The following PI4KB variants were observed in gnomAD, a reference collection of about 807,000 sequenced individuals.
The protein encoded by PI4KB is phosphatidylinositol 4-kinase beta.
In PI4KB, 23 loss-of-function variants were observed where a neutral mutation model predicts 81.4. That is an observed-to-expected ratio of 0.28 (90% confidence interval 0.20 to 0.40). The LOEUF is 0.40. PI4KB is among the 10% of genes least tolerant of loss of function. The probability of loss-of-function intolerance (pLI) is 1.00; values close to 1 mark genes in which losing one functional copy is unlikely to be tolerated. For synonymous variants in PI4KB, 381 were observed against 406.8 expected (o/e 0.94, Z 0.76); for missense variants, 651 against 1,036.6 (o/e 0.63, Z 5.11).
At position 151,302,302 on chromosome 1, in the gene PI4KB, G is replaced by A. The variant is rs1339931272; in HGVS notation, c.1521-4C>T. The stretch of plus-strand genomic sequence containing the variant: ...CAGCTGTTCCGAAAGGCGCCGGCTG[G>A]CAGGAAGAAAATACATCATTTGCTT... On this transcript the variant is annotated splice_polypyrimidine_tract_variant and splice_region_variant and intron_variant, in intron 6 of 11. Transcript: ENST00000368873. The A allele has an allele frequency of 6.2e-7, 1 of 1,611,002 alleles. No homozygotes were observed. The highest frequency in any genetic ancestry group is 2.2e-5 in the East Asian group (1 of 44,870).
chr1:151,324,918 C>A, intron 1 of PI4KB: 1 of 984,138 alleles, frequency 1.0e-6, no homozygotes, highest in Non-Finnish European at 1.2e-6. Context: ...GGACTCAACT[C>A]TAAGAAGAAA....
At chr1:151,307,866 T>C in intron 3 of PI4KB, 65 bp from the exon 4 acceptor site, 1 of 1,239,168 alleles carries the variant, frequency 8.1e-7, no homozygotes, top group Non-Finnish European at 1.2e-6. Context: ...GCACACCCAC[T>C]CAGTCACTCC....
In PI4KB at chr1:151,327,282, C is replaced by A. The variant is rs1649788838; in HGVS notation, c.-40G>T. 5.2e-6 allele frequency: 1 copy of A among 190,614 alleles called. No homozygotes were observed. Among genetic ancestry groups the A allele is most frequent in the Admixed American group, 7.0e-5 (1 of 14,312 alleles). The allele number at this position is 190,614 out of a possible 1,614,324, so 11.8% of individuals were successfully genotyped here. On this transcript the variant is annotated 5_prime_UTR_variant, in exon 1 of 12. Transcript: ENST00000368873. ...GAGGAGTAGCTTACCTCTGGGGGAC[C>A]CCCGCGGAGGGGGTGCGGGCAGTCG...
chr1:151,296,836 C>T (rs115724218), intron 9 of PI4KB, among the ~76,000 whole-genome samples: 3,920 of 151,074 alleles, frequency 0.026, 177 homozygotes, highest in African/African-American at 0.09. Flanking sequence ...TGTGCAGTCG[C>T]GCGATCTCAT....
In PI4KB at chr1:151,302,318, T is replaced by TCA; in HGVS notation, c.1521-22_1521-21dup. On this transcript the variant is annotated intron_variant, in intron 6 of 11. Transcript: ENST00000368873. ...CGCCGGCTGGCAGGAAGAAAATACA[T>TCA]CATTTGCTTGGAGAAGCTACCCCCA... is the stretch of plus-strand genomic sequence containing the variant. 1 of 1,581,640 alleles carries TCA rather than the reference T, an allele frequency of 6.3e-7. No homozygotes were observed. The highest frequency in any genetic ancestry group is 8.7e-7 in the Non-Finnish European group (1 of 1,150,516).
intron 3 of PI4KB, among the ~76,000 whole-genome samples, chr1:151,310,006 T>G (rs1245317017): frequency 6.6e-6 from 1 of 152,166 alleles, no homozygotes; most frequent in Admixed American, 6.5e-5. Context: ...TGAGCTCATC[T>G]CAGCCTGGGC....
At chr1:151,294,569 G>A (rs1170455555) in intron 9 of PI4KB, 28 bp from the exon 10 acceptor site, 2 of 1,613,078 alleles carry the variant, frequency 1.2e-6, no homozygotes, top group Non-Finnish European at 8.5e-7. Flanking sequence ...AGGAGAGGAA[G>A]AGGCAGTAGT....
At chr1:151,307,525 G>A (rs1466645707) in intron 4 of PI4KB, 49 bp downstream of exon 4, 2 of 1,268,674 alleles carry the variant, frequency 1.6e-6, no homozygotes, top group Non-Finnish European at 2.3e-6. Context: ...GAACAACCAT[G>A]GGTGAAGAGT....
At chr1:151,323,747 C>T (rs1351697724) in intron 1 of PI4KB, among the ~76,000 whole-genome samples, 1 of 151,808 alleles carries the variant, frequency 6.6e-6, no homozygotes, top group Non-Finnish European at 1.5e-5. Context: ...AAAACAACAA[C>T]AAAAACAAAC....
At chr1:151,327,121 G>A (rs1649735836) in intron 1 of PI4KB, 150 bp downstream of exon 1, 2 of 393,056 alleles carry the variant, frequency 5.1e-6, no homozygotes, top group East Asian at 3.6e-5. Flanking sequence ...AGAGGAAAGG[G>A]TGGAGAAGGA....
In PI4KB at chr1:151,306,314, G is replaced by A; in HGVS notation, c.1232C>T (p.Thr411Ile). 6.2e-7 allele frequency: 1 copy of A among 1,614,188 alleles called. No individual in the cohort carries two copies. Among genetic ancestry groups the A allele is most frequent in the Non-Finnish European group, 8.5e-7 (1 of 1,180,034 alleles). The change falls in exon 5 of 12, where the codon ACC (threonine) becomes ATC (isoleucine). Residue 411 changes from threonine to isoleucine, a missense_variant. Physicochemically the swap from Thr to Ile is moderately conservative, Grantham distance 89. Coordinates refer to ENST00000368873, the MANE Select transcript of PI4KB (RefSeq NM_001369623.2). Reference sequence around the variant, plus strand: ...GGGGATCCGGGCAGGGACACTGGTGGTGTCAAAGTTTTCACATTCAAGGAC... The same window carrying A: ...GGGGATCCGGGCAGGGACACTGGTGATGTCAAAGTTTTCACATTCAAGGAC... ...VEVLECENFD[T>I]TSVPARIPEN... is the part of the protein sequence containing the mutation.
chr1:151,318,647 GGTTGTGGTGAGCCGAGATCGC>G (rs1213493548), intron 1 of PI4KB, among the ~76,000 whole-genome samples: 1 of 152,086 alleles, frequency 6.6e-6, no homozygotes, highest in Non-Finnish European at 1.5e-5. Context: ...GGGAGGCAGA[GGTTGTGGTGAGCCGAGATCGC>G]ACCGCTGCAC....
intron 2 of PI4KB, among the ~76,000 whole-genome samples, chr1:151,314,908 G>C (rs587762865): frequency 6.6e-6 from 1 of 152,246 alleles, no homozygotes; most frequent in East Asian, 1.9e-4. Flanking sequence ...TCAAGTCTCA[G>C]GTCAGGGTGT....
At chr1:151,301,406 T>A (rs1386887948) in intron 8 of PI4KB, among the ~76,000 whole-genome samples, 5 of 151,766 alleles carry the variant, frequency 3.3e-5, no homozygotes, top group South Asian at 4.2e-4. Context: ...ATTTTTATTT[T>A]TTTTTTTTTG....
intron 1 of PI4KB, among the ~76,000 whole-genome samples, chr1:151,323,822 C>A: frequency 6.6e-6 from 1 of 152,202 alleles, no homozygotes; most frequent in South Asian, 2.1e-4. Context: ...CTTCAGAACA[C>A]TGAGATAATT....
chr1:151,315,238 A>G (rs975421089), intron 2 of PI4KB, among the ~76,000 whole-genome samples: 2 of 152,048 alleles, frequency 1.3e-5, no homozygotes, highest in Non-Finnish European at 2.9e-5. Context: ...CAGCCTCCCA[A>G]AGTGCTGGGA....
chr1:151,314,970 C>T lies in PI4KB; in HGVS notation c.909+603G>A, dbSNP rs1647693328. Among the ~76,000 whole-genome samples the T allele has an allele frequency of 2.6e-5, 4 of 152,026 alleles. No individual in the cohort carries two copies. The South Asian group carries it at 6.2e-4, about 24-fold the overall frequency. On this transcript the variant is annotated intron_variant, in intron 2 of 11. Transcript: ENST00000368873. The stretch of plus-strand genomic sequence containing the variant: ...AACATAGTAGATGTTAATGGAATGG[C>T]AGTTTATTTATTTATTTATTTATTT...
chr1:151,323,126 G>C (rs1057098690), intron 1 of PI4KB, among the ~76,000 whole-genome samples: 2 of 152,166 alleles, frequency 1.3e-5, no homozygotes, highest in Non-Finnish European at 1.5e-5. Flanking sequence ...GTGTCCAGTA[G>C]AAGAAATAAA....
In PI4KB at chr1:151,300,415, T is replaced by A. The variant is rs587608672; in HGVS notation, c.1750-1342A>T. Among the ~76,000 whole-genome samples the A allele has an allele frequency of 3.3e-5, 5 of 152,304 alleles. No individual in the cohort carries two copies. In the South Asian group the frequency reaches 1.0e-3, roughly 32 times the overall value. On this transcript the variant is annotated intron_variant, in intron 8 of 11. Transcript: ENST00000368873. Reference sequence around the variant, plus strand: ...TGAGGTCGGGAGTTCGAGACCAGCCTGGCTCACATGGAGAAACCCTATCTC... The same window carrying A: ...TGAGGTCGGGAGTTCGAGACCAGCCAGGCTCACATGGAGAAACCCTATCTC...
Sources: gnomAD v4.1 joint callset for allele counts (sites outside exome capture counted in the v4.1 genomes callset) on GRCh38, gnomAD v4.1.1 for gene constraint, MANE v1.5 for transcripts, NCBI Gene and HGNC (gene_info 2026-07-23, HGNC 2026-07-21) for gene names.